Variants in DCAF11 observed in about 807,000 individuals in gnomAD.
DCAF11 encodes DDB1 and CUL4 associated factor 11, also known as DDB1- and CUL4-associated factor 11.
Under a neutral mutation model 76.1 loss-of-function variants are expected in DCAF11, and 44 were observed. The observed-to-expected ratio is 0.58, with a 90% CI of 0.45 to 0.74. The LOEUF is 0.74. Among genes scored for constraint, DCAF11 ranks in the 30% least tolerant of loss-of-function variants. The pLI is 0.00. For synonymous variants in DCAF11, 258 were observed against 255.0 expected, an observed-to-expected ratio of 1.01 and a Z score of -0.11; for missense variants, 604 against 709.4, an observed-to-expected ratio of 0.85 and a Z score of 1.69.
chr14:24,115,754 CT>C lies in DCAF11; in HGVS notation c.155+7del. 6.2e-7 allele frequency: 1 copy of C among 1,611,198 alleles called. No individual in the cohort carries two copies. Among genetic ancestry groups the C allele is most frequent in the Middle Eastern group, 1.7e-4 (1 of 6,046 alleles). ...ACTGGCCTATCTCCTCCGCAGGTAACTTACCCTCTGGTGTGACCCCCAGCAG... is the reference window on the plus strand; with the variant it reads ...ACTGGCCTATCTCCTCCGCAGGTAACTACCCTCTGGTGTGACCCCCAGCAG... On this transcript the variant is annotated splice_donor_region_variant and intron_variant, in intron 2 of 14. Transcript: ENST00000446197.
chr14:24,119,515 C>T (rs764566815), intron 9 of DCAF11, 44 bp from the exon 10 acceptor site: 10 of 1,611,038 alleles, frequency 6.2e-6, no homozygotes, highest in Non-Finnish European at 7.6e-6. Flanking sequence ...CGTTGGTCCT[C>T]TCGATCATGG....
At position 24,119,170 on chromosome 14, in the gene DCAF11, T is replaced by G; in HGVS notation, c.805T>G (p.Phe269Val). ...LRPDERRFAV[F>V]SIAVSSDGRE... ...GCCAGATGAGCGTCGCTTTGCTGTC[T>G]TCTCCATTGCTGTCTCCTCAGATGG... The change falls in exon 9 of 15, where the codon TTC becomes GTC. Residue 269 changes from phenylalanine to valine, a missense_variant. Coordinates refer to ENST00000446197, the MANE Select transcript of DCAF11 (RefSeq NM_025230.5). 1 of 1,614,224 alleles carries G rather than the reference T, an allele frequency of 6.2e-7. No individual in the cohort carries two copies. The highest frequency in any genetic ancestry group is 8.5e-7 in the Non-Finnish European group (1 of 1,180,024).
intron 12 of DCAF11, 139 bp from the exon 13 acceptor site, chr14:24,121,226 A>G (rs1278235685): frequency 8.1e-6 from 10 of 1,236,048 alleles, no homozygotes; most frequent in Non-Finnish European, 1.0e-5. Context: ...TCCACTGACT[A>G]TTAGGTGGAG....
At position 24,124,885 on chromosome 14, in the gene DCAF11, TAC is replaced by T. The variant is rs2037752916; in HGVS notation, c.*1578_*1579del. On this transcript the variant is annotated 3_prime_UTR_variant, in exon 15 of 15. Transcript: ENST00000446197. ...GGTGGAACCCAATCTCTACTAAAAA[TAC>T]AAAAAAACTAGCCGGATATGGTGGC... 4 of 152,062 alleles carry T rather than the reference TAC, an allele frequency of 2.6e-5. No homozygotes were observed. Among genetic ancestry groups the T allele is most frequent in the Admixed American group, 2.6e-4 (4 of 15,268 alleles). 9.4% of individuals were successfully genotyped at this position (152,062 alleles called of 1,614,324 possible).
At position 24,124,687 on chromosome 14, in the gene DCAF11, C is replaced by T. The variant is rs2037748786; in HGVS notation, c.*1378C>T. 1.3e-5 allele frequency: 2 copies of T among 152,340 alleles called. No homozygotes were observed. Among genetic ancestry groups the T allele is most frequent in the Admixed American group, 6.5e-5 (1 of 15,286 alleles). The allele number at this position is 152,340 out of a possible 1,614,324, so 9.4% of individuals were successfully genotyped here. A position where few individuals can be genotyped will look rare whatever the true frequency, so the allele number is the denominator to read the frequency against. ...TTGGGAAGCCAAAGCTGATGGATCGCTTGAGCCCAGGAGTTTGAGACCAGC... is the reference window on the plus strand; with the variant it reads ...TTGGGAAGCCAAAGCTGATGGATCGTTTGAGCCCAGGAGTTTGAGACCAGC... On this transcript the variant is annotated 3_prime_UTR_variant, in exon 15 of 15. Transcript: ENST00000446197.
intron 8 of DCAF11, 115 bp from the exon 9 acceptor site, chr14:24,119,030 G>A (rs2037638729): frequency 2.2e-6 from 3 of 1,380,160 alleles, no homozygotes. Flanking sequence ...TATGGTGCAT[G>A]TTAGCCAGAC....
intron 2 of DCAF11, 61 bp from the exon 3 acceptor site, chr14:24,116,854 ACT>A: frequency 1.9e-6 from 3 of 1,610,034 alleles, no homozygotes; most frequent in Non-Finnish European, 2.5e-6. Flanking sequence ...ATAGCCATTG[ACT>A]CTGAATTTGG....
chr14:24,119,497 A>G, intron 9 of DCAF11, 62 bp from the exon 10 acceptor site: 2 of 1,589,118 alleles, frequency 1.3e-6, no homozygotes, highest in South Asian at 2.2e-5. Flanking sequence ...TCTCTAGAGC[A>G]TATACCACGT....
intron 12 of DCAF11, 148 bp downstream of exon 12, chr14:24,121,139 G>GAT: frequency 7.8e-7 from 1 of 1,283,974 alleles, no homozygotes; most frequent in Non-Finnish European, 1.1e-6. Flanking sequence ...TGGGGCCTGG[G>GAT]TGGGGGTCAC....
At chr14:24,122,591 C>A (rs1252350154) in intron 13 of DCAF11, among the ~76,000 whole-genome samples, 1 of 152,118 alleles carries the variant, frequency 6.6e-6, no homozygotes, top group East Asian at 1.9e-4. Flanking sequence ...CTCACAGTCC[C>A]ATGACAAAAG....
At position 24,125,145 on chromosome 14, in the gene DCAF11, AG is replaced by A. The variant is rs1391176181; in HGVS notation, c.*1838del. On this transcript the variant is annotated 3_prime_UTR_variant, in exon 15 of 15. Transcript: ENST00000446197. Reference sequence around the variant, plus strand: ...AGGATCACCTAAGGCCAGGAGGTCAAGGCTGCGGTGAGCCGTGATTGTGCCA... The same window carrying A: ...AGGATCACCTAAGGCCAGGAGGTCAAGCTGCGGTGAGCCGTGATTGTGCCA... 41 of 152,344 alleles carry A rather than the reference AG, an allele frequency of 2.7e-4. No individual in the cohort carries two copies. Among genetic ancestry groups the A allele is most frequent in the African/African-American group, 9.6e-4 (40 of 41,572 alleles). 9.4% of individuals were successfully genotyped at this position (152,344 alleles called of 1,614,324 possible).
chr14:24,118,947 T>C, intron 8 of DCAF11, 143 bp downstream of exon 8: 5 of 1,157,018 alleles, frequency 4.3e-6, no homozygotes, highest in Non-Finnish European at 6.3e-6. Context: ...GGAAGCACCA[T>C]CTTGTCAGCC....
chr14:24,119,911 A>T lies in DCAF11; in HGVS notation c.1092+15A>T. On this transcript the variant is annotated intron_variant, in intron 11 of 14. Transcript: ENST00000446197. ...TTGACAGCAAGGTGGGCCAGAAGTCAGGACTGTACAGCCAGGCCGCTAAGG... is the reference window on the plus strand; with the variant it reads ...TTGACAGCAAGGTGGGCCAGAAGTCTGGACTGTACAGCCAGGCCGCTAAGG... 6.3e-7 allele frequency: 1 copy of T among 1,598,254 alleles called. No individual in the cohort carries two copies. The highest frequency in any genetic ancestry group is 8.5e-7 in the Non-Finnish European group (1 of 1,170,798).
rs1228372191 is a variant in DCAF11, at chr14:24,124,816, T to G, written c.*1507T>G. ...CGGCATTTTGGGAGGCCGAGATAGGTGGATCACCTGAAGTCAGGTGTTTGA... is the reference window on the plus strand; with the variant it reads ...CGGCATTTTGGGAGGCCGAGATAGGGGGATCACCTGAAGTCAGGTGTTTGA... On this transcript the variant is annotated 3_prime_UTR_variant, in exon 15 of 15. Coordinates refer to ENST00000446197, the MANE Select transcript of DCAF11 (RefSeq NM_025230.5). 6.6e-6 allele frequency: 1 copy of G among 152,020 alleles called. No homozygotes were observed. Among genetic ancestry groups the G allele is most frequent in the Admixed American group, 6.6e-5 (1 of 15,254 alleles). 9.4% of individuals were successfully genotyped at this position (152,020 alleles called of 1,614,324 possible). A position where few individuals can be genotyped will look rare whatever the true frequency, so the allele number is the denominator to read the frequency against.
rs750142571 is a variant in DCAF11 at position 24,117,412 on chromosome 14, C to T, written c.411+19C>T. 6.2e-7 allele frequency: 1 copy of T among 1,613,158 alleles called. No homozygotes were observed. Among genetic ancestry groups the T allele is most frequent in the Admixed American group, 1.7e-5 (1 of 59,928 alleles). ...GCACCAGGTAGGCCTCTCCACCTCC[C>T]AGCCTGGCAGCAGGCCTGCCAAAGC... On this transcript the variant is annotated intron_variant, in intron 4 of 14. Coordinates refer to ENST00000446197, the MANE Select transcript of DCAF11 (RefSeq NM_025230.5). The surrounding 1 kb of genome is among the most constrained non-coding windows in gnomAD (Gnocchi z 4.3).
In DCAF11 at chr14:24,114,921, G is replaced by C. The variant is rs1453751617; in HGVS notation, c.-586G>C. On this transcript the variant is annotated 5_prime_UTR_variant, in exon 1 of 15. Transcript: ENST00000446197. ...GCTGCGGGTCCTGCGACCGCTCCTG[G>C]CTGGTGGGTGGTCTCGCGTGGGGCG... 3.5e-5 allele frequency: 35 copies of C among 986,052 alleles called. No homozygotes were observed. Among genetic ancestry groups the C allele is most frequent in the Non-Finnish European group, 4.2e-5 (35 of 830,012 alleles). The allele number at this position is 986,052 out of a possible 1,614,324, so 61.1% of individuals were successfully genotyped here. A position where few individuals can be genotyped will look rare whatever the true frequency, so the allele number is the denominator to read the frequency against.
At position 24,117,200 on chromosome 14, in the gene DCAF11, A is replaced by G; in HGVS notation, c.284-66A>G. The G allele has an allele frequency of 6.2e-7, 1 of 1,609,078 alleles. No homozygotes were observed. Among genetic ancestry groups the G allele is most frequent in the East Asian group, 2.2e-5 (1 of 44,814 alleles). On this transcript the variant is annotated intron_variant, in intron 3 of 14. Transcript: ENST00000446197. The surrounding 1 kb of genome is among the most constrained non-coding windows in gnomAD (Gnocchi z 4.3). ...TTCAGCCACAGGGGTGGGCTTGGGT[A>G]CAGTTCTGCTAACTGTCCTCTGAGG...
rs1485451261 is a variant in DCAF11 at position 24,119,696 on chromosome 14, C to T, written c.907-15C>T. ...CTAGAAAGAGGTCTTATATCCTGGC[C>T]TCCTTTTCGCCTAGATTGAGTCCCA... is the stretch of plus-strand genomic sequence containing the variant. On this transcript the variant is annotated splice_polypyrimidine_tract_variant and intron_variant, in intron 10 of 14. Coordinates refer to ENST00000446197, the MANE Select transcript of DCAF11 (RefSeq NM_025230.5). 1 of 1,614,166 alleles carries T rather than the reference C, an allele frequency of 6.2e-7. No homozygotes were observed. The highest frequency in any genetic ancestry group is 8.5e-7 in the Non-Finnish European group (1 of 1,180,010).
At position 24,123,287 on chromosome 14, in the gene DCAF11, C is replaced by T; in HGVS notation, c.1619C>T (p.Thr540Ile). ...CCTGCCCCAGTGCCCCAATCCTCTA[C>T]ACCCTTTTCCTCACCCCAGTAGATC... ...SAPAPVPQSS[T>I]PFSSPQ Residue 540 changes from threonine to isoleucine, a missense_variant, in exon 15 of 15, where the codon ACA becomes ATA. Transcript: ENST00000446197. 6.5e-7 allele frequency: 1 copy of T among 1,539,492 alleles called. No individual in the cohort carries two copies. The highest frequency in any genetic ancestry group is 8.7e-7 in the Non-Finnish European group (1 of 1,142,918).
Sources: gnomAD v4.1 joint callset for allele counts (sites outside exome capture counted in the v4.1 genomes callset) on GRCh38, gnomAD v4.1.1 for gene constraint, Gnocchi (gnomAD v3.1) non-coding constraint, MANE v1.5 for transcripts, NCBI Gene and HGNC (gene_info 2026-07-23, HGNC 2026-07-21) for gene names.